Variants in KYAT3 observed in about 807,000 individuals in gnomAD.
KYAT3 encodes kynurenine aminotransferase 3.
In KYAT3, 50 loss-of-function variants were observed where a neutral mutation model predicts 59.0. The ratio of observed to expected loss-of-function variants is 0.85; its 90% confidence interval spans 0.68 to 1.07. The LOEUF is 1.07. Among genes scored for constraint, KYAT3 ranks in the 50% least tolerant of loss-of-function variants. The pLI, the probability that KYAT3 is intolerant of heterozygous loss-of-function variation, is 0.00. For synonymous variants in KYAT3, 148 were observed against 177.0 expected (o/e 0.84, Z 1.30); for missense variants, 497 against 533.3 (o/e 0.93, Z 0.67).
At chr1:88,942,599 G>A (rs1675280407) in intron 13 of KYAT3, among the ~76,000 whole-genome samples, 1 of 151,922 alleles carries the variant, frequency 6.6e-6, no homozygotes, top group Admixed American at 6.6e-5. Flanking sequence ...GTCGCGCTCT[G>A]TTGCCCAGGC....
the KYAT3 span, among the ~76,000 whole-genome samples, chr1:88,925,682 AAGAG>A: frequency 1.6e-3 from 234 of 148,066 alleles, no homozygotes; most frequent in African/African-American, 4.5e-3. Flanking sequence ...AGAGAGATGG[AAGAG>A]AGAGAGAGAG....
intron 2 of KYAT3, among the ~76,000 whole-genome samples, chr1:88,973,492 C>T (rs900020243): frequency 5.9e-5 from 9 of 152,124 alleles, no homozygotes; most frequent in South Asian, 2.1e-4. Flanking sequence ...TAGAATCCTA[C>T]GGGGAATCAG....
At chr1:88,972,534 G>T (rs1235459963) in intron 2 of KYAT3, among the ~76,000 whole-genome samples, 2 of 152,152 alleles carry the variant, frequency 1.3e-5, no homozygotes, top group Non-Finnish European at 2.9e-5. Flanking sequence ...GTTCGTTTAT[G>T]CTTCAGTGAT....
rs546054382 is a variant in KYAT3 at position 88,975,354 on chromosome 1, C to T, written c.100-5887G>A. On this transcript the variant is annotated intron_variant, in intron 2 of 13. Transcript: ENST00000260508. ...TTTTAGGAGAGACTGGGTTTCACCA[C>T]GTTAGCCAGGATGGTCTTGATCTCC... 6.4e-3 allele frequency among the ~76,000 whole-genome samples: 972 copies of T among 152,196 alleles called. 6 individuals are homozygous for T. Among genetic ancestry groups the T allele is most frequent in the Middle Eastern group, 0.01 (3 of 294 alleles).
intron 5 of KYAT3, among the ~76,000 whole-genome samples, chr1:88,963,651 T>C (rs1267268882): frequency 6.6e-6 from 1 of 152,228 alleles, no homozygotes; most frequent in Non-Finnish European, 1.5e-5. Context: ...TCGTAATCCA[T>C]TTGCAAGTCT....
chr1:88,965,103 A>C (rs1399586273), intron 4 of KYAT3, 125 bp from the exon 5 acceptor site: 2 of 679,286 alleles, frequency 2.9e-6, no homozygotes, highest in Non-Finnish European at 4.7e-6. Context: ...TACCCCAAGA[A>C]AATTTATATT....
chr1:88,939,601 T>G (rs1318591712), intron 13 of KYAT3, among the ~76,000 whole-genome samples: 1 of 152,246 alleles, frequency 6.6e-6, no homozygotes, highest in Non-Finnish European at 1.5e-5. Context: ...CCATTTGTTC[T>G]GCTCTTATTT....
chr1:88,982,505 T>C (rs1677142339), intron 2 of KYAT3: 1 of 1,274,470 alleles, frequency 7.8e-7, no homozygotes, highest in Non-Finnish European at 1.1e-6. Flanking sequence ...CACAAGAACA[T>C]AAAAATTACG....
chr1:88,929,652 C>G, the KYAT3 span, among the ~76,000 whole-genome samples: 2 of 152,230 alleles, frequency 1.3e-5, no homozygotes, highest in Admixed American at 6.5e-5. Flanking sequence ...GCCACCCAAG[C>G]ACTCTTAAAT....
intron 10 of KYAT3, among the ~76,000 whole-genome samples, chr1:88,951,742 T>C (rs975419205): frequency 6.6e-6 from 1 of 152,152 alleles, no homozygotes; most frequent in African/African-American, 2.4e-5. Flanking sequence ...AGTATTTCCC[T>C]ATTTTCTTTC....
chr1:88,984,618 T>C (rs1157035793), intron 2 of KYAT3, among the ~76,000 whole-genome samples: 1 of 152,250 alleles, frequency 6.6e-6, no homozygotes, highest in Non-Finnish European at 1.5e-5. Flanking sequence ...ACAGATCTGC[T>C]GAGTGAAAGG....
chr1:88,931,500 G>A (rs1195353146), downstream of KYAT3, among the ~76,000 whole-genome samples: 1 of 152,076 alleles, frequency 6.6e-6, no homozygotes, highest in South Asian at 2.1e-4. Flanking sequence ...CCCCAGTTCA[G>A]CAGGAAGCAG....
rs1676171912 is a variant in KYAT3 at position 88,962,130 on chromosome 1, G to C, written c.469C>G (p.Pro157Ala). The C allele has an allele frequency of 1.2e-6, 2 of 1,612,118 alleles. No individual in the cohort carries two copies. The highest frequency in any genetic ancestry group is 8.5e-7 in the Non-Finnish European group (1 of 1,178,340). ...DEGDEVILIV[P>A]FYDCYEPMVR... ...ATGGGCTCATAGCAGTCATAGAAAG[G>C]CACTATTAGTATGACCTGCAATAAA... The change falls in exon 6 of 14, where the codon CCT (proline) becomes GCT (alanine). Residue 157 changes from proline to alanine, a missense_variant. Transcript: ENST00000260508.
At chr1:88,984,821 G>T (rs1677348294) in intron 2 of KYAT3, among the ~76,000 whole-genome samples, 1 of 152,148 alleles carries the variant, frequency 6.6e-6, no homozygotes, top group Admixed American at 6.5e-5. Flanking sequence ...CTAGCATTTT[G>T]ATTATCTTCC....
chr1:88,950,833 T>C (rs6673179), intron 10 of KYAT3, among the ~76,000 whole-genome samples: 70,097 of 151,936 alleles, frequency 0.46, 16,322 homozygotes, highest in Admixed American at 0.5. Context: ...CACTCCTGAG[T>C]TCAAAACTCT....
intron 2 of KYAT3, among the ~76,000 whole-genome samples, chr1:88,971,944 T>C (rs1396039247): frequency 5.3e-5 from 8 of 152,224 alleles, no homozygotes; most frequent in East Asian, 1.9e-4. Flanking sequence ...AATTTTACCA[T>C]AGGCTAATTG....
chr1:88,921,272 A>C, the KYAT3 span, among the ~76,000 whole-genome samples: 1 of 152,248 alleles, frequency 6.6e-6, no homozygotes, highest in African/African-American at 2.4e-5. Context: ...TGAAAAGGAC[A>C]AAAAGGATTA....
chr1:88,982,966 A>G (rs763386061), intron 2 of KYAT3: 2 of 1,613,662 alleles, frequency 1.2e-6, no homozygotes, highest in Non-Finnish European at 1.7e-6. Context: ...AGTTACCATA[A>G]CTCTCATATG....
At chr1:88,978,076 A>T (rs988732676) in intron 2 of KYAT3, among the ~76,000 whole-genome samples, 1 of 152,072 alleles carries the variant, frequency 6.6e-6, no homozygotes, top group African/African-American at 2.4e-5. Context: ...TATATAATAT[A>T]TACACATATG....
Sources: gnomAD v4.1 joint callset for allele counts (sites outside exome capture counted in the v4.1 genomes callset) on GRCh38, gnomAD v4.1.1 for gene constraint, MANE v1.5 for transcripts, NCBI Gene and HGNC (gene_info 2026-07-23, HGNC 2026-07-21) for gene names.